MYRIP: variants seen among roughly 807,000 people sequenced by gnomAD.
MYRIP encodes the protein myosin VIIA and Rab interacting protein.
MYRIP carries 49 observed loss-of-function variants against 98.0 expected under a neutral mutation model. The observed-to-expected ratio is 0.50, with a 90% confidence interval of 0.40 to 0.63. The LOEUF is 0.63. Ranked by LOEUF, MYRIP falls within the 30% of genes least tolerant of loss-of-function variation. MYRIP has a pLI of 0.00. For synonymous variants in MYRIP, 404 were observed against 409.5 expected (o/e 0.99, Z 0.16); for missense variants, 1,004 against 1,058.2 (o/e 0.95, Z 0.71).
chr3:40,071,193 T>C (rs1452320714), intron 3 of MYRIP: 2 of 985,356 alleles, frequency 2.0e-6, no homozygotes, highest in Non-Finnish European at 2.4e-6. Flanking sequence ...CGTAATCTCC[T>C]GGATGCAGAA....
intron 2 of MYRIP, among the ~76,000 whole-genome samples, chr3:39,964,368 T>C (rs944502385): frequency 1.3e-5 from 2 of 152,132 alleles, no homozygotes; most frequent in Non-Finnish European, 2.9e-5. Context: ...TGTTGTGCAA[T>C]GGACCACTGA....
At chr3:39,877,413 G>A (rs957891834) in intron 1 of MYRIP, among the ~76,000 whole-genome samples, 3 of 152,018 alleles carry the variant, frequency 2.0e-5, no homozygotes, top group African/African-American at 7.3e-5. Flanking sequence ...AGGAGGAGAG[G>A]CGCTCTGCTT....
At chr3:40,030,304 C>T (rs149192599) in intron 2 of MYRIP, among the ~76,000 whole-genome samples, 10 of 152,146 alleles carry the variant, frequency 6.6e-5, no homozygotes, top group African/African-American at 2.4e-4. Context: ...ACCTCACACC[C>T]CCTAAGATGG....
At chr3:40,098,911 A>ATG (rs201862052) in intron 3 of MYRIP, among the ~76,000 whole-genome samples, 1,616 of 134,210 alleles carry the variant, frequency 0.012, 31 homozygotes, top group African/African-American at 0.041. Flanking sequence ...GTGGGTGTGC[A>ATG]TGTGTGTGCG....
At chr3:40,173,109 G>A (rs1217026637) in intron 8 of MYRIP, 1 of 152,226 alleles carries the variant, frequency 6.6e-6, no homozygotes, top group Admixed American at 6.5e-5. Flanking sequence ...TGGAGTGATG[G>A]TCAGGTATCT....
intron 3 of MYRIP, among the ~76,000 whole-genome samples, chr3:40,056,894 A>G (rs2125844301): frequency 6.6e-6 from 1 of 152,320 alleles, no homozygotes; most frequent in East Asian, 1.9e-4. Context: ...TCCACCATTC[A>G]CTATGCAAAG....
At chr3:39,982,891 T>A (rs541320516) in intron 2 of MYRIP, among the ~76,000 whole-genome samples, 1 of 152,316 alleles carries the variant, frequency 6.6e-6, no homozygotes, top group East Asian at 1.9e-4. Context: ...AACTCATAGA[T>A]AAGAGGATAT....
chr3:40,139,433 C>A (rs924529752), intron 3 of MYRIP, among the ~76,000 whole-genome samples: 1 of 152,144 alleles, frequency 6.6e-6, no homozygotes, highest in Non-Finnish European at 1.5e-5. Context: ...TCCATGTAAA[C>A]AATGATCTGC....
At chr3:39,905,113 T>G (rs949913700) in intron 2 of MYRIP, among the ~76,000 whole-genome samples, 1 of 152,220 alleles carries the variant, frequency 6.6e-6, no homozygotes, top group Non-Finnish European at 1.5e-5. Flanking sequence ...GGGTTTTATC[T>G]AGATTACTCA....
intron 2 of MYRIP, among the ~76,000 whole-genome samples, chr3:39,997,869 C>G (rs1946407726): frequency 6.6e-6 from 1 of 151,970 alleles, no homozygotes; most frequent in African/African-American, 2.4e-5. Flanking sequence ...GCGATGCAAG[C>G]CTGGTTCAAC....
At chr3:39,911,978 A>C (rs1944032004) in intron 2 of MYRIP, among the ~76,000 whole-genome samples, 1 of 152,116 alleles carries the variant, frequency 6.6e-6, no homozygotes, top group Non-Finnish European at 1.5e-5. Context: ...GGTGACTTAT[A>C]ATGAGCTTCT....
At chr3:39,915,167 A>G (rs1431312330) in intron 2 of MYRIP, among the ~76,000 whole-genome samples, 1 of 152,094 alleles carries the variant, frequency 6.6e-6, no homozygotes, top group Non-Finnish European at 1.5e-5. Context: ...TTCAATCAGT[A>G]CAATCAGTAT....
chr3:39,957,172 C>A lies in MYRIP; in HGVS notation c.110+56246C>A, dbSNP rs1221702623. ...GAAAAAGAGGGAATCCTCCCTAACT[C>A]ATTTTATGAGGCCAGCATCATCCTG... On this transcript the variant is annotated intron_variant, in intron 2 of 16. Transcript: ENST00000302541. 3.3e-5 allele frequency among the ~76,000 whole-genome samples: 5 copies of A among 151,924 alleles called. No homozygotes were observed. In the East Asian group the frequency reaches 9.6e-4, roughly 29 times the overall value.
At chr3:39,888,809 A>C (rs1943392190) in intron 1 of MYRIP, among the ~76,000 whole-genome samples, 1 of 152,232 alleles carries the variant, frequency 6.6e-6, no homozygotes, top group Non-Finnish European at 1.5e-5. Flanking sequence ...CAGAATCTAC[A>C]ATGAACTCAA....
chr3:39,970,625 C>A (rs1408570048), intron 2 of MYRIP, among the ~76,000 whole-genome samples: 1 of 152,056 alleles, frequency 6.6e-6, no homozygotes, highest in African/African-American at 2.4e-5. Context: ...TCCAACCTAC[C>A]TCATGGTGGA....
chr3:39,891,722 T>C (rs1943492830), intron 1 of MYRIP, among the ~76,000 whole-genome samples: 1 of 152,188 alleles, frequency 6.6e-6, no homozygotes, highest in Non-Finnish European at 1.5e-5. Flanking sequence ...ACCAATATTA[T>C]TGCATTTTAC....
chr3:39,999,543 G>A (rs149347859), intron 2 of MYRIP, among the ~76,000 whole-genome samples: 2,844 of 152,238 alleles, frequency 0.019, 53 homozygotes, highest in Non-Finnish European at 0.023. Context: ...TGGAGAGGAT[G>A]TGGAGAAATA....
rs1447894233 is a variant in MYRIP, at chr3:40,211,522, G to A, written c.1905+1429G>A. 2.0e-5 allele frequency among the ~76,000 whole-genome samples: 3 copies of A among 152,266 alleles called. No individual in the cohort carries two copies. In the East Asian group the frequency reaches 5.8e-4, roughly 29 times the overall value. The stretch of plus-strand genomic sequence containing the variant: ...GTCTGTGAGTTGGAGAGTGGAGCTT[G>A]TTCTCCACGAGGAGCCCCTCACTGG... On this transcript the variant is annotated intron_variant, in intron 11 of 16. Coordinates refer to ENST00000302541, the MANE Select transcript of MYRIP (RefSeq NM_015460.4).
At chr3:39,862,484 C>T (rs1942501650) in intron 1 of MYRIP, among the ~76,000 whole-genome samples, 1 of 152,058 alleles carries the variant, frequency 6.6e-6, no homozygotes, top group Non-Finnish European at 1.5e-5. Context: ...ATGCAAAAAG[C>T]AGGGATTGCT....
Sources: allele counts gnomAD v4.1 joint callset (sites outside exome capture counted in the v4.1 genomes callset), GRCh38; gene constraint gnomAD v4.1.1; transcripts MANE v1.5; gene names NCBI Gene and HGNC (gene_info 2026-07-23, HGNC 2026-07-21).